The following PIK3R1 variants were observed in gnomAD, a reference collection of about 807,000 sequenced individuals.
PIK3R1 encodes the protein phosphoinositide-3-kinase regulatory subunit 1, also known as phosphatidylinositol 3-kinase regulatory subunit alpha.
A neutral mutation model predicts 98.0 loss-of-function variants in PIK3R1; 29 were observed. The ratio of observed to expected loss-of-function variants is 0.30; its 90% CI spans 0.22 to 0.40. PIK3R1 has a LOEUF of 0.40. Ranked by LOEUF, PIK3R1 falls within the 10% of genes least tolerant of loss-of-function variation. The probability of loss-of-function intolerance (pLI) is 1.00; values close to 1 mark genes in which losing one functional copy is unlikely to be tolerated. For synonymous variants in PIK3R1, 282 were observed against 311.8 expected (o/e 0.90, Z 1.01); for missense variants, 596 against 872.7 (o/e 0.68, Z 3.99).
At chr5:68,292,467 G>A (rs764686770) in intron 8 of PIK3R1, 106 bp downstream of exon 8, 5 of 1,429,256 alleles carry the variant, frequency 3.5e-6, no homozygotes, top group Non-Finnish European at 3.9e-6. Context: ...TAAGCATGAA[G>A]CATAGTTGGT....
rs758728010 is a variant in PIK3R1 at position 68,293,830 on chromosome 5, C to G, written c.1421C>G (p.Ser474Cys). Reference protein sequence around the residue: ...DRLYEEYTRTSQEIQMKRTAI... With the variant: ...DRLYEEYTRTCQEIQMKRTAI... ...TTATATGAAGAATATACCCGCACAT[C>G]CCAGGTGAGTTTTCTATGAAAATCA... The change falls in exon 11 of 16, where the codon TCC (serine) becomes TGC (cysteine). Residue 474 changes from serine (S) to cysteine (C), a missense_variant. Physicochemically the swap from Ser to Cys is moderately radical, Grantham distance 112. Around this residue, in one of 3 missense-constraint regions of PIK3R1, gnomAD observed 207 missense variants for 361.4 expected, o/e 0.57. Transcript: ENST00000521381. 1.9e-6 allele frequency: 3 copies of G among 1,559,260 alleles called. No individual in the cohort carries two copies. In the South Asian group the frequency reaches 3.7e-5, roughly 19 times the overall value.
At chr5:68,278,016 C>T (rs1317904191) in intron 4 of PIK3R1, among the ~76,000 whole-genome samples, 1 of 152,128 alleles carries the variant, frequency 6.6e-6, no homozygotes, top group Non-Finnish European at 1.5e-5. Flanking sequence ...CATCCTTCAG[C>T]AGCAGCCAAA....
At chr5:68,228,470 CAA>C (rs1304396265) in intron 2 of PIK3R1, among the ~76,000 whole-genome samples, 21 of 152,082 alleles carry the variant, frequency 1.4e-4, no homozygotes, top group Admixed American at 1.3e-3. Context: ...GTTCAAAAGC[CAA>C]AGTTAATTTT....
At chr5:68,271,907 A>G (rs1746376798) in intron 2 of PIK3R1, among the ~76,000 whole-genome samples, 1 of 152,202 alleles carries the variant, frequency 6.6e-6, no homozygotes, top group Non-Finnish European at 1.5e-5. Flanking sequence ...TACTTTCATA[A>G]CGTGAATTTG....
At chr5:68,223,174 AT>A in intron 1 of PIK3R1, among the ~76,000 whole-genome samples, 1 of 149,600 alleles carries the variant, frequency 6.7e-6, no homozygotes, top group South Asian at 2.1e-4. Context: ...TCATCACCCA[AT>A]ACTTAACCGG....
At chr5:68,282,633 C>T (rs939227867) in intron 7 of PIK3R1, among the ~76,000 whole-genome samples, 1 of 152,156 alleles carries the variant, frequency 6.6e-6, no homozygotes, top group Non-Finnish European at 1.5e-5. Flanking sequence ...CATCCTAATT[C>T]CACCAAAGTA....
In PIK3R1 at chr5:68,300,241, C is replaced by G. The variant is rs1747965016; in HGVS notation, c.*2640C>G. 3 of 233,134 alleles carry G rather than the reference C, an allele frequency of 1.3e-5. 1 individual carries two copies. The East Asian group carries it at 1.8e-4, about 14-fold the overall frequency. 14.4% of individuals were successfully genotyped at this position (233,134 alleles called of 1,614,324 possible). ...AAGTAGGATTCATCATTCCATATGA[C>G]TTGAGTTACACCAGACCTGTTCTGC... On this transcript the variant is annotated 3_prime_UTR_variant, in exon 16 of 16. Transcript: ENST00000521381.
At chr5:68,249,345 T>C (rs2112060202) in intron 2 of PIK3R1, among the ~76,000 whole-genome samples, 2 of 152,350 alleles carry the variant, frequency 1.3e-5, no homozygotes, top group Middle Eastern at 3.4e-3. Context: ...TTTATCCCTT[T>C]TTAATTTTTA....
At chr5:68,293,657 A>G (rs1747518331) in intron 10 of PIK3R1, 52 bp from the exon 11 acceptor site, 16 of 1,294,790 alleles carry the variant, frequency 1.2e-5, no homozygotes, top group South Asian at 5.3e-5. Flanking sequence ...TTGTTAAACA[A>G]TTGTTATTTG....
Position 68,273,427 on chromosome 5 carries a change from T to C in PIK3R1, c.372T>C (p.Pro124=). ...TLPDLAEQFA[P]PDIAPPLLIK... is the part of the protein sequence containing the mutation. ...CGGATCTTGCAGAGCAGTTTGCCCC[T>C]CCTGACATTGCCCCGCCTCTTCTTA... is the stretch of plus-strand genomic sequence containing the variant. The change falls in exon 3 of 16, where the codon CCT becomes CCC. Residue 124 remains proline (P), a synonymous_variant. Coordinates refer to ENST00000521381, the MANE Select transcript of PIK3R1 (RefSeq NM_181523.3). 1.2e-6 allele frequency: 2 copies of C among 1,614,114 alleles called. No individual in the cohort carries two copies. The highest frequency in any genetic ancestry group is 1.7e-6 in the Non-Finnish European group (2 of 1,179,982).
At chr5:68,267,776 C>T (rs1409463540) in intron 2 of PIK3R1, among the ~76,000 whole-genome samples, 1 of 149,906 alleles carries the variant, frequency 6.7e-6, no homozygotes, top group Non-Finnish European at 1.5e-5. Context: ...TATTGTGGTC[C>T]TTTTGGGGAA....
chr5:68,239,367 G>A (rs956375164), intron 2 of PIK3R1, among the ~76,000 whole-genome samples: 1 of 151,962 alleles, frequency 6.6e-6, no homozygotes, highest in South Asian at 2.1e-4. Flanking sequence ...CTACTTTAAA[G>A]AAATACAGAC....
In PIK3R1 at chr5:68,292,295, C is replaced by T. The variant is rs200276601; in HGVS notation, c.953C>T (p.Ala318Val). The T allele has an allele frequency of 1.1e-5, 17 of 1,613,630 alleles. No individual in the cohort carries two copies. The East Asian group carries it at 3.3e-4, about 32-fold the overall frequency. The stretch of plus-strand genomic sequence containing the variant: ...AAACCACCAAAACCTACTACTGTAG[C>T]CAACAACGGTATGAATAACAATATG... The part of the protein sequence containing the change: ...PPKPPKPTTV[A>V]NNGMNNNMSL... The change falls in exon 8 of 16, where the codon GCC (alanine) becomes GTC (valine). Residue 318 changes from alanine (A) to valine (V), a missense_variant. By Grantham distance (64) the Ala-to-Val change is moderately conservative. This residue lies in a region of PIK3R1 where 352 missense variants were observed against 393.3 expected (regional missense o/e 0.90). Transcript: ENST00000521381.
intron 2 of PIK3R1, among the ~76,000 whole-genome samples, chr5:68,246,751 G>A (rs1463673869): frequency 2.0e-5 from 3 of 152,262 alleles, no homozygotes; most frequent in African/African-American, 7.2e-5. Flanking sequence ...AGCCTCCCGA[G>A]TAGCTGGGAC....
chr5:68,277,428 T>C (rs1407229468), intron 4 of PIK3R1, among the ~76,000 whole-genome samples: 1 of 152,210 alleles, frequency 6.6e-6, no homozygotes, highest in African/African-American at 2.4e-5. Context: ...ACACTTCGCC[T>C]CTTCACCTTT....
At chr5:68,217,186 T>G (rs1743917339) in intron 1 of PIK3R1, among the ~76,000 whole-genome samples, 1 of 152,206 alleles carries the variant, frequency 6.6e-6, no homozygotes, top group South Asian at 2.1e-4. Flanking sequence ...ATTGTCATTT[T>G]GGTGTGATGA....
At position 68,280,914 on chromosome 5, in the gene PIK3R1, C is replaced by G. The variant is rs3730085; in HGVS notation, c.837-13C>G. 2.0e-6 allele frequency: 3 copies of G among 1,535,122 alleles called. No individual in the cohort carries two copies. Among genetic ancestry groups the G allele is most frequent in the African/African-American group, 1.4e-5 (1 of 71,894 alleles). The stretch of plus-strand genomic sequence containing the variant: ...TTAGGGAAAAGGTTTCTAATAAACT[C>G]TCTTTCTTACAGCTCTGATAATACT... On this transcript the variant is annotated splice_polypyrimidine_tract_variant and intron_variant, in intron 6 of 15. Coordinates refer to ENST00000521381, the MANE Select transcript of PIK3R1 (RefSeq NM_181523.3).
intron 2 of PIK3R1, among the ~76,000 whole-genome samples, chr5:68,259,833 G>C (rs1340147194): frequency 1.3e-5 from 2 of 152,166 alleles, no homozygotes; most frequent in Non-Finnish European, 2.9e-5. Context: ...ATGACACTCA[G>C]TTAGTACATA....
chr5:68,246,022 T>C (rs1278014188), intron 2 of PIK3R1, among the ~76,000 whole-genome samples: 1 of 152,234 alleles, frequency 6.6e-6, no homozygotes, highest in Admixed American at 6.5e-5. Flanking sequence ...TGTGTACATG[T>C]TTCCCCAAAG....
Sources: allele counts gnomAD v4.1 joint callset (sites outside exome capture counted in the v4.1 genomes callset), GRCh38; gene constraint gnomAD v4.1.1; regional missense constraint gnomAD v4.1.1; transcripts MANE v1.5; gene names NCBI Gene and HGNC (gene_info 2026-07-23, HGNC 2026-07-21).